NUP214: variants seen among roughly 807,000 people sequenced by gnomAD.
NUP214 encodes the protein nucleoporin 214, also known as nuclear pore complex protein Nup214.
A neutral mutation model predicts 196.2 loss-of-function variants in NUP214; 79 were observed. The observed-to-expected ratio is 0.40, with a 90% CI of 0.34 to 0.49. The LOEUF is 0.49. Ranked by LOEUF, NUP214 falls within the 20% of genes least tolerant of loss-of-function variation. The probability of loss-of-function intolerance (pLI) is 0.58; values close to 1 mark genes in which losing one functional copy is unlikely to be tolerated. For missense variants in NUP214, 2,468 were observed against 2,539.0 expected, an observed-to-expected ratio of 0.97 and a Z score of 0.60; for synonymous variants, 1,020 against 990.5, an observed-to-expected ratio of 1.03 and a Z score of -0.56.
At position 131,132,705 on chromosome 9, in the gene NUP214, T is replaced by C. The variant is rs766348765; in HGVS notation, c.727+46T>C. The C allele has an allele frequency of 2.1e-5, 32 of 1,505,212 alleles. No homozygotes were observed. In the Admixed American group the frequency reaches 4.1e-4, roughly 19 times the overall value. The allele number at this position is 1,505,212 out of a possible 1,614,324, so 93.2% of individuals were successfully genotyped here. A position where few individuals can be genotyped will look rare whatever the true frequency, so the allele number is the denominator to read the frequency against. On this transcript the variant is annotated intron_variant, in intron 6 of 35. Transcript: ENST00000359428. ...TGGGCTGACCTCTAATGACATGTTA[T>C]GTATATTACAGAAATTCAAAATCAT... is the stretch of plus-strand genomic sequence containing the variant.
At chr9:131,132,403 C>G (rs541134119) in intron 5 of NUP214, among the ~76,000 whole-genome samples, 193 bp from the exon 6 acceptor site, 51 of 152,254 alleles carry the variant, frequency 3.3e-4, no homozygotes, top group Non-Finnish European at 5.7e-4. Context: ...CATGAGTCAC[C>G]ACACCCAGCC....
At chr9:131,227,949 TTTG>T (rs1393072221) in intron 32 of NUP214, among the ~76,000 whole-genome samples, 4 of 147,930 alleles carry the variant, frequency 2.7e-5, no homozygotes, top group Admixed American at 6.7e-5. Flanking sequence ...GGGCTTTTGT[TTTG>T]TTGTTTTCAT....
intron 22 of NUP214, 23 bp from the exon 23 acceptor site, chr9:131,175,437 C>A (rs776570384): frequency 6.2e-7 from 1 of 1,613,598 alleles, no homozygotes. Context: ...CCCACTCACA[C>A]TTAATTTTTC....
At chr9:131,156,723 T>G (rs1832461671) in intron 17 of NUP214, among the ~76,000 whole-genome samples, 1 of 152,164 alleles carries the variant, frequency 6.6e-6, no homozygotes, top group Non-Finnish European at 1.5e-5. Context: ...TCTAGGACCT[T>G]TTTGGATGAG....
At chr9:131,217,171 G>T (rs1358951900) in intron 31 of NUP214, among the ~76,000 whole-genome samples, 1 of 152,124 alleles carries the variant, frequency 6.6e-6, no homozygotes, top group Non-Finnish European at 1.5e-5. Context: ...AACACAGCAA[G>T]TCCCCATCTC....
rs1232494814 is a variant in NUP214, at chr9:131,163,893, T to G, written c.2747T>G (p.Leu916Arg). The G allele has an allele frequency of 6.2e-7, 1 of 1,614,202 alleles. No homozygotes were observed. The highest frequency in any genetic ancestry group is 1.7e-5 in the Admixed American group (1 of 60,024). The change falls in exon 20 of 36, where the codon CTG (leucine) becomes CGG (arginine). Residue 916 changes from leucine to arginine, a missense_variant. Transcript: ENST00000359428. ...AGTTTTGACAGTGACCTGGAAAGCC[T>G]GTGCAATGCTTTGTTGAAAACCACC... ...IHSFDSDLES[L>R]CNALLKTTIE...
intron 33 of NUP214, chr9:131,228,995 A>T (rs1468903488): frequency 6.6e-6 from 1 of 152,238 alleles, no homozygotes; most frequent in East Asian, 1.9e-4. Flanking sequence ...ATCCCAATTT[A>T]AAAAATGTAC....
chr9:131,189,016 G>A, intron 25 of NUP214, 37 bp from the exon 26 acceptor site: 1 of 1,388,824 alleles, frequency 7.2e-7, no homozygotes, highest in South Asian at 1.2e-5. Flanking sequence ...AATGGTTAGT[G>A]GTTTAACATA....
chr9:131,202,637 G>A (rs779323133), intron 30 of NUP214, among the ~76,000 whole-genome samples: 14 of 151,476 alleles, frequency 9.2e-5, no homozygotes, highest in Admixed American at 2.6e-4. Context: ...GTTTTGCCAC[G>A]TTGCCCAGGC....
intron 32 of NUP214, among the ~76,000 whole-genome samples, chr9:131,226,045 G>A (rs1463132872): frequency 2.0e-5 from 3 of 152,236 alleles, no homozygotes; most frequent in East Asian, 1.9e-4. Context: ...AGAGGTGGGC[G>A]TTTGAGTCGC....
At chr9:131,172,999 C>T (rs1234088635) in intron 21 of NUP214, among the ~76,000 whole-genome samples, 6 of 152,170 alleles carry the variant, frequency 3.9e-5, no homozygotes, top group South Asian at 4.1e-4. Flanking sequence ...CCTTACTCTT[C>T]GTAGTCTAAA....
At chr9:131,143,268 C>G (rs910107412) in intron 11 of NUP214, among the ~76,000 whole-genome samples, 4 of 152,152 alleles carry the variant, frequency 2.6e-5, no homozygotes. Flanking sequence ...TTTGCCCTCC[C>G]AAAGCTCTGG....
rs922937319 is a variant in NUP214, at chr9:131,139,145, C to T, written c.1006-136C>T. On this transcript the variant is annotated intron_variant, in intron 9 of 35. Transcript: ENST00000359428. ...AGATTTCAGAGCCTCCTAGTCAACA[C>T]CTGAGTCTAAACCAAGTGAGTCATC... The T allele has an allele frequency of 5.0e-6, 5 of 1,007,194 alleles. No individual in the cohort carries two copies. The African/African-American group carries it at 8.5e-5, about 17-fold the overall frequency. The allele number at this position is 1,007,194 out of a possible 1,614,324, so 62.4% of individuals were successfully genotyped here. A position where few individuals can be genotyped will look rare whatever the true frequency, so the allele number is the denominator to read the frequency against.
chr9:131,231,476 C>CAT lies in NUP214; in HGVS notation c.6214+714_6214+715dup, dbSNP rs1247688766. On this transcript the variant is annotated intron_variant, in intron 34 of 35. Coordinates refer to ENST00000359428, the MANE Select transcript of NUP214 (RefSeq NM_005085.4). The stretch of plus-strand genomic sequence containing the variant: ...AGAGTGCTGGGATTACAGCACCTGG[C>CAT]ATATATATTTTTTTTTAGGTTTTAG... 2.6e-5 allele frequency among the ~76,000 whole-genome samples: 4 copies of CAT among 151,998 alleles called. No individual in the cohort carries two copies. The East Asian group carries it at 7.7e-4, about 29-fold the overall frequency.
intron 16 of NUP214, 58 bp downstream of exon 16, chr9:131,150,823 T>TA (rs1247471563): frequency 1.3e-6 from 2 of 1,507,578 alleles, no homozygotes; most frequent in Non-Finnish European, 1.8e-6. Context: ...TTTTTTCTCC[T>TA]AGTACTCCAT....
In NUP214 at chr9:131,157,459, G is replaced by GTTT. The variant is rs146677149; in HGVS notation, c.2437-1903_2437-1901dup. 9.3e-3 allele frequency among the ~76,000 whole-genome samples: 695 copies of GTTT among 74,698 alleles called. 26 individuals are homozygous for GTTT. The highest frequency in any genetic ancestry group is 0.011 in the East Asian group (25 of 2,228). 49.0% of individuals were successfully genotyped at this position (74,698 alleles called of 152,430 possible). ...ACAGGTGTGAGCCACTGTGTCTGGC[G>GTTT]TTTTTTTTTTTTTTTTTTTTTTTGA... is the stretch of plus-strand genomic sequence containing the variant. On this transcript the variant is annotated intron_variant, in intron 17 of 35. Transcript: ENST00000359428.
intron 17 of NUP214, among the ~76,000 whole-genome samples, chr9:131,156,439 G>A (rs1832446912): frequency 6.6e-6 from 1 of 151,942 alleles, no homozygotes; most frequent in Non-Finnish European, 1.5e-5. Flanking sequence ...GCTGAGCATG[G>A]GATGTATTTC....
intron 28 of NUP214, chr9:131,195,510 G>A: frequency 2.1e-6 from 1 of 475,480 alleles, no homozygotes; most frequent in Non-Finnish European, 3.7e-6. Flanking sequence ...GAAAGGATTT[G>A]CTTCTAGAAA....
intron 17 of NUP214, among the ~76,000 whole-genome samples, chr9:131,157,389 G>C (rs1179562827): frequency 6.6e-6 from 1 of 151,672 alleles, no homozygotes; most frequent in South Asian, 2.1e-4. Flanking sequence ...TCGAACACCT[G>C]GGCCCTAGCA....
Sources: gnomAD v4.1 joint callset for allele counts (sites outside exome capture counted in the v4.1 genomes callset) on GRCh38, gnomAD v4.1.1 for gene constraint, MANE v1.5 for transcripts, NCBI Gene and HGNC (gene_info 2026-07-23, HGNC 2026-07-21) for gene names.